The following PLXNA4 variants were observed in gnomAD, a reference collection of about 807,000 sequenced individuals.
PLXNA4 encodes the protein plexin A4, also known as plexin-A4.
Under a neutral mutation model 191.8 loss-of-function variants are expected in PLXNA4, and 44 were observed. The ratio of observed to expected loss-of-function variants is 0.23; its 90% CI spans 0.18 to 0.29. The LOEUF (loss-of-function observed/expected upper bound fraction) is 0.29, where lower values mean the gene tolerates loss of function less well. PLXNA4 is among the 10% of genes least tolerant of loss of function. PLXNA4 has a pLI of 1.00. For synonymous variants in PLXNA4, 1,082 were observed against 1,009.5 expected (o/e 1.07, Z -1.36); for missense variants, 1,800 against 2,488.8 (o/e 0.72, Z 5.89).
chr7:132,492,002 T>TA (rs1321452506), intron 2 of PLXNA4, among the ~76,000 whole-genome samples: 2 of 152,198 alleles, frequency 1.3e-5, no homozygotes, highest in African/African-American at 2.4e-5. Context: ...CTCGTGGCCC[T>TA]TGAATGTTCC....
intron 4 of PLXNA4, among the ~76,000 whole-genome samples, chr7:132,248,660 C>A (rs1799141387): frequency 1.3e-5 from 2 of 152,138 alleles, no homozygotes; most frequent in Admixed American, 1.3e-4. Flanking sequence ...CTCAGTACCT[C>A]CCACGCTGGC....
At chr7:132,248,296 C>G (rs573172305) in intron 4 of PLXNA4, among the ~76,000 whole-genome samples, 1 of 152,330 alleles carries the variant, frequency 6.6e-6, no homozygotes, top group Admixed American at 6.5e-5. Flanking sequence ...TGAAGCAGAA[C>G]TGCCCAGCTG....
At chr7:132,302,413 A>G (rs1458147410) in intron 3 of PLXNA4, among the ~76,000 whole-genome samples, 1 of 152,166 alleles carries the variant, frequency 6.6e-6, no homozygotes, top group Non-Finnish European at 1.5e-5. Context: ...GCAATCCCCA[A>G]TACATGGTTG....
chr7:132,288,073 G>A lies in PLXNA4; in HGVS notation c.1503+10018C>T, dbSNP rs1800750663. On this transcript the variant is annotated intron_variant, in intron 4 of 31. Transcript: ENST00000321063. The stretch of plus-strand genomic sequence containing the variant: ...ACAGAGGGCTCCCCATTCCTCGTTG[G>A]AGGAGGGGGCTGGGAAAGGCATTGC... Among the ~76,000 whole-genome samples the A allele has an allele frequency of 2.0e-5, 3 of 152,130 alleles. No homozygotes were observed. The South Asian group carries it at 6.2e-4, about 32-fold the overall frequency.
At chr7:132,646,776 C>A (rs975250586) in intron 1 of PLXNA4, among the ~76,000 whole-genome samples, 2 of 152,106 alleles carry the variant, frequency 1.3e-5, no homozygotes, top group African/African-American at 2.4e-5. Flanking sequence ...TGAAACTAGG[C>A]TGGAACTAGG....
At chr7:132,190,982 C>G (rs1249754265) in intron 14 of PLXNA4, among the ~76,000 whole-genome samples, 1 of 152,214 alleles carries the variant, frequency 6.6e-6, no homozygotes, top group Non-Finnish European at 1.5e-5. Context: ...CATTCGCAGA[C>G]TGAGGACTGG....
rs1245173540 is a variant in PLXNA4 at position 132,198,550 on chromosome 7, G to A, written c.2673C>T (p.Ala891=). Residue 891 remains alanine (A), a synonymous_variant, in exon 13 of 32, where the codon GCC becomes GCT. Coordinates refer to ENST00000321063, the MANE Select transcript of PLXNA4 (RefSeq NM_020911.2). ...CCACGCCAGCAACCTTGACATGGGA[G>A]GCGATGTCGCGAAATTCCAGGCCCA... ...ENLGLEFRDI[A]SHVKVAGVEC... 6.2e-7 allele frequency: 1 copy of A among 1,614,246 alleles called. No individual in the cohort carries two copies.
At chr7:132,622,517 C>T (rs1351793689) in intron 2 of PLXNA4, among the ~76,000 whole-genome samples, 1 of 151,718 alleles carries the variant, frequency 6.6e-6, no homozygotes. Flanking sequence ...ATCTTACAAA[C>T]TGTCTAAAGA....
intron 3 of PLXNA4, among the ~76,000 whole-genome samples, chr7:132,354,775 A>C (rs1304736904): frequency 1.3e-5 from 2 of 152,212 alleles, no homozygotes; most frequent in Non-Finnish European, 2.9e-5. Flanking sequence ...AGAGAAATAG[A>C]GAAGTGGTAG....
chr7:132,263,172 C>T lies in PLXNA4; in HGVS notation c.1504-22006G>A, dbSNP rs116337848. 9.0e-3 allele frequency among the ~76,000 whole-genome samples: 1,366 copies of T among 152,272 alleles called. 19 individuals carry two copies. The highest frequency in any genetic ancestry group is 0.03 in the African/African-American group (1,246 of 41,560). On this transcript the variant is annotated intron_variant, in intron 4 of 31. Coordinates refer to ENST00000321063, the MANE Select transcript of PLXNA4 (RefSeq NM_020911.2). ...GGGTATCCACAGCTTTCCTGTTCTC[C>T]CTCACATCCATCTAGTTGGCAGAGA...
At chr7:132,213,796 G>A (rs55674541) in intron 9 of PLXNA4, among the ~76,000 whole-genome samples, 8 of 152,004 alleles carry the variant, frequency 5.3e-5, no homozygotes, top group African/African-American at 1.7e-4. Context: ...GAGCCTGACT[G>A]TCTCTCCTGC....
chr7:132,551,948 G>A lies in PLXNA4; in HGVS notation c.-87+24474C>T, dbSNP rs1454766907. 2.0e-5 allele frequency among the ~76,000 whole-genome samples: 3 copies of A among 152,264 alleles called. No individual in the cohort carries two copies. In the East Asian group the frequency reaches 5.8e-4, roughly 29 times the overall value. On this transcript the variant is annotated intron_variant, in intron 1 of 31. Transcript: ENST00000321063. ...TAGCTGAATGGAATCAATGAGACAT[G>A]TAATCAAGGTCTGACCAGGAGTCAG...
Position 132,260,715 on chromosome 7 carries a change from G to A in PLXNA4, c.1504-19549C>T, listed in dbSNP as rs950514165. On this transcript the variant is annotated intron_variant, in intron 4 of 31. Coordinates refer to ENST00000321063, the MANE Select transcript of PLXNA4 (RefSeq NM_020911.2). ...GATCTGTGGTTTTCAGGGGTTGGAC[G>A]GGGTTGTGGGAGTGGAGAGGGATGA... Among the ~76,000 whole-genome samples the A allele has an allele frequency of 3.3e-5, 5 of 151,976 alleles. 1 individual carries two copies. Among genetic ancestry groups the A allele is most frequent in the South Asian group, 4.2e-4 (2 of 4,802 alleles).
intron 5 of PLXNA4, among the ~76,000 whole-genome samples, chr7:132,240,588 G>A (rs993711663): frequency 2.6e-5 from 4 of 152,220 alleles, no homozygotes; most frequent in Non-Finnish European, 5.9e-5. Flanking sequence ...ATCCTTTGGA[G>A]CTGTTGAAGT....
intron 1 of PLXNA4, among the ~76,000 whole-genome samples, chr7:132,647,550 T>G (rs1803899820): frequency 6.7e-6 from 1 of 149,166 alleles, no homozygotes; most frequent in South Asian, 2.1e-4. Context: ...TACACTCACA[T>G]ACTCACACAT....
Position 132,411,705 on chromosome 7 carries a change from G to A in PLXNA4, c.1371+77587C>T, listed in dbSNP as rs529107438. Among the ~76,000 whole-genome samples, 51 of 152,214 alleles carry A rather than the reference G, an allele frequency of 3.4e-4. 3 individuals are homozygous for A. In the South Asian group the frequency reaches 5.2e-3, roughly 15 times the overall value. ...GACATGAAGAAATGAGTGTCAGTCC[G>A]TGTGAGGGAGAAGAAAAGGCCCAGA... On this transcript the variant is annotated intron_variant, in intron 3 of 31. Coordinates refer to ENST00000321063, the MANE Select transcript of PLXNA4 (RefSeq NM_020911.2).
intron 2 of PLXNA4, among the ~76,000 whole-genome samples, chr7:132,501,027 G>A (rs1157741506): frequency 1.3e-5 from 2 of 152,170 alleles, no homozygotes; most frequent in African/African-American, 4.8e-5. Flanking sequence ...AGTAGGGCTG[G>A]TCTATGTGCC....
rs1794872127 is a variant in PLXNA4, at chr7:132,129,707, T to C, written c.*772A>G. ...TGCTACTAGGATTCAGATGAAAAGG[T>C]CAGGAGCATCTCCATGGTGGAATGT... is the stretch of plus-strand genomic sequence containing the variant. On this transcript the variant is annotated 3_prime_UTR_variant, in exon 32 of 32. Transcript: ENST00000321063. The C allele has an allele frequency of 6.6e-6, 1 of 152,654 alleles. No individual in the cohort carries two copies. The highest frequency in any genetic ancestry group is 1.5e-5 in the Non-Finnish European group (1 of 68,066). The allele number at this position is 152,654 out of a possible 1,614,324, so 9.5% of individuals were successfully genotyped here.
chr7:132,389,367 C>T (rs1354695500), intron 3 of PLXNA4, among the ~76,000 whole-genome samples: 3 of 152,122 alleles, frequency 2.0e-5, no homozygotes, highest in Non-Finnish European at 4.4e-5. Context: ...AATGGTATTG[C>T]CTAGGTTTTC....
Sources: allele counts gnomAD v4.1 joint callset (sites outside exome capture counted in the v4.1 genomes callset), GRCh38; gene constraint gnomAD v4.1.1; transcripts MANE v1.5; gene names NCBI Gene and HGNC (gene_info 2026-07-23, HGNC 2026-07-21).